The following MEI1 variants were observed in gnomAD, a reference collection of about 807,000 sequenced individuals.
MEI1 encodes meiotic double-stranded break formation protein 1, also known as meiosis inhibitor protein 1.
Under a neutral mutation model 146.2 loss-of-function variants are expected in MEI1, and 103 were observed. That is an observed-to-expected ratio of 0.70 (90% CI 0.60 to 0.83). MEI1 has a LOEUF of 0.83. Ranked by LOEUF, MEI1 falls within the 40% of genes least tolerant of loss-of-function variation. MEI1 has a pLI of 0.00. For missense variants in MEI1, 1,529 were observed against 1,533.0 expected (o/e 1.00, Z 0.04); for synonymous variants, 652 against 628.2 (o/e 1.04, Z -0.57).
At chr22:41,740,985 G>A (rs558098608) in intron 11 of MEI1, among the ~76,000 whole-genome samples, 5 of 152,108 alleles carry the variant, frequency 3.3e-5, no homozygotes, top group Admixed American at 2.6e-4. Context: ...ATCTTGGCTC[G>A]CTGCAACCTC....
chr22:41,722,741 AG>A (rs2070978542), intron 6 of MEI1, among the ~76,000 whole-genome samples: 1 of 152,112 alleles, frequency 6.6e-6, no homozygotes, highest in African/African-American at 2.4e-5. Flanking sequence ...CTGGGCCCCC[AG>A]GCTAGATTAG....
intron 19 of MEI1, among the ~76,000 whole-genome samples, chr22:41,764,659 C>T (rs1299381198): frequency 6.6e-6 from 1 of 152,158 alleles, no homozygotes; most frequent in African/African-American, 2.4e-5. Context: ...TCCTTGATTC[C>T]AGGAGTTTAT....
At chr22:41,761,569 C>G (rs1036223219) in intron 18 of MEI1, among the ~76,000 whole-genome samples, 1 of 152,024 alleles carries the variant, frequency 6.6e-6, no homozygotes, top group Non-Finnish European at 1.5e-5. Context: ...CCGCCTCGGC[C>G]TCCCAAAGTG....
chr22:41,714,492 A>C (rs2069908789), intron 4 of MEI1, among the ~76,000 whole-genome samples: 1 of 152,176 alleles, frequency 6.6e-6, no homozygotes, highest in Non-Finnish European at 1.5e-5. Flanking sequence ...CTATCAGCTT[A>C]CTTTGTACTG....
In MEI1 at chr22:41,781,766, CT is replaced by C. The variant is rs1569316759; in HGVS notation, c.3009del (p.Arg1005GlyfsTer38). ...GCCCTCACCTTGGCAAAGGCAGATT[CT>C]CCCAGGACTGCACTCCTCTGCTCTG... ...MLALTLAKAD[S>X]PRTALLCSAW... On this transcript the variant is annotated frameshift_variant, in exon 24 of 31. Coordinates refer to ENST00000401548, the MANE Select transcript of MEI1 (RefSeq NM_152513.4). LOFTEE classifies it high-confidence loss of function. 1 of 1,614,006 alleles carries C rather than the reference CT, an allele frequency of 6.2e-7. No homozygotes were observed. The highest frequency in any genetic ancestry group is 8.5e-7 in the Non-Finnish European group (1 of 1,179,900).
At chr22:41,714,159 TG>T in intron 4 of MEI1, 84 bp downstream of exon 4, 1 of 1,346,958 alleles carries the variant, frequency 7.4e-7, no homozygotes, top group Non-Finnish European at 1.0e-6. Flanking sequence ...AATGAGAGAT[TG>T]AAGTCCAGGG....
intron 6 of MEI1, among the ~76,000 whole-genome samples, chr22:41,720,264 G>A (rs1478802395): frequency 6.6e-6 from 1 of 152,032 alleles, no homozygotes; most frequent in African/African-American, 2.4e-5. Flanking sequence ...CTGTATCTGC[G>A]GTAACTTGCA....
At chr22:41,760,883 G>A (rs1253354442) in intron 18 of MEI1, among the ~76,000 whole-genome samples, 5 of 152,144 alleles carry the variant, frequency 3.3e-5, no homozygotes, top group Middle Eastern at 3.2e-3. Flanking sequence ...ATTTTTAACC[G>A]CTAGGTTTAA....
chr22:41,734,246 C>T (rs1601815750), intron 11 of MEI1, among the ~76,000 whole-genome samples: 1 of 152,314 alleles, frequency 6.6e-6, no homozygotes, highest in Non-Finnish European at 1.5e-5. Flanking sequence ...TTGGTATCTT[C>T]AGGGGTCCTG....
chr22:41,741,277 T>A (rs2072844938), intron 11 of MEI1, among the ~76,000 whole-genome samples: 1 of 152,202 alleles, frequency 6.6e-6, no homozygotes, highest in African/African-American at 2.4e-5. Context: ...TGTGAGAGGA[T>A]AAACTTCTGT....
At chr22:41,703,857 G>A (rs150662493) in intron 2 of MEI1, among the ~76,000 whole-genome samples, 56 of 152,100 alleles carry the variant, frequency 3.7e-4, no homozygotes, top group African/African-American at 1.1e-3. Flanking sequence ...GTGGTGGCGC[G>A]TGCCTGTAGT....
At chr22:41,783,369 C>T (rs746647589) in intron 24 of MEI1, among the ~76,000 whole-genome samples, 4 of 151,518 alleles carry the variant, frequency 2.6e-5, no homozygotes, top group Middle Eastern at 3.5e-3. Flanking sequence ...CTCGGCTCAC[C>T]GCAACCTCTG....
intron 5 of MEI1, among the ~76,000 whole-genome samples, chr22:41,717,760 C>T (rs975608628): frequency 4.0e-5 from 6 of 151,684 alleles, no homozygotes; most frequent in Admixed American, 4.0e-4. Context: ...GGATTACAGG[C>T]GTGTGCCAGC....
At chr22:41,769,919 G>A (rs1317407449) in intron 19 of MEI1, among the ~76,000 whole-genome samples, 2 of 151,620 alleles carry the variant, frequency 1.3e-5, no homozygotes, top group Non-Finnish European at 2.9e-5. Flanking sequence ...CAGATCACCT[G>A]AGGTCAGGGG....
rs771555486 is a variant in MEI1 at position 41,794,351 on chromosome 22, C to A, written c.3428-20C>A. ...CAAGGCAAGGTCTTGGAAGCATTAA[C>A]AACCCAGTGTTTCTTGAAGCTCTCC... On this transcript the variant is annotated intron_variant, in intron 27 of 30. Transcript: ENST00000401548. The A allele has an allele frequency of 6.2e-7, 1 of 1,604,918 alleles. No individual in the cohort carries two copies. The highest frequency in any genetic ancestry group is 8.5e-7 in the Non-Finnish European group (1 of 1,171,630).
At chr22:41,765,203 A>G (rs2074764093) in intron 19 of MEI1, among the ~76,000 whole-genome samples, 1 of 152,180 alleles carries the variant, frequency 6.6e-6, no homozygotes. Context: ...TTTAGTAGAG[A>G]CGGGTTTTCA....
At chr22:41,700,965 G>A (rs1290059565) in intron 1 of MEI1, among the ~76,000 whole-genome samples, 2 of 144,374 alleles carry the variant, frequency 1.4e-5, no homozygotes, top group South Asian at 2.2e-4. Flanking sequence ...TTGAGATGGA[G>A]TTTCACTCTT....
intron 27 of MEI1, 40 bp downstream of exon 27, chr22:41,793,950 G>A: frequency 6.4e-7 from 1 of 1,554,450 alleles, no homozygotes; most frequent in East Asian, 2.3e-5. Context: ...CCATGAGAGA[G>A]ATTAGAGGGA....
chr22:41,732,016 G>A (rs889765221), intron 9 of MEI1, among the ~76,000 whole-genome samples: 2 of 152,150 alleles, frequency 1.3e-5, no homozygotes, highest in East Asian at 1.9e-4. Context: ...AACCTCAAGT[G>A]CCAGGGACTG....
Sources: gnomAD v4.1 joint callset for allele counts (sites outside exome capture counted in the v4.1 genomes callset) on GRCh38, gnomAD v4.1.1 for gene constraint, MANE v1.5 for transcripts, NCBI Gene and HGNC (gene_info 2026-07-23, HGNC 2026-07-21) for gene names.